SPECC1: variants seen among roughly 807,000 people sequenced by gnomAD.
SPECC1 encodes cytospin-B.
In SPECC1, 62 loss-of-function variants were observed where a neutral mutation model predicts 104.1. The ratio of observed to expected loss-of-function variants is 0.60; its 90% confidence interval spans 0.49 to 0.74. The LOEUF (loss-of-function observed/expected upper bound fraction) is 0.74. SPECC1 is among the 30% of genes least tolerant of loss of function. The pLI, the probability that SPECC1 is intolerant of heterozygous loss-of-function variation, is 0.00. For synonymous variants in SPECC1, 513 were observed against 501.6 expected (o/e 1.02, Z -0.30); for missense variants, 1,306 against 1,310.5 (o/e 1.00, Z 0.05).
At chr17:20,049,762 C>T (rs1037174346) in intron 1 of SPECC1, among the ~76,000 whole-genome samples, 28 of 151,882 alleles carry the variant, frequency 1.8e-4, no homozygotes, top group Admixed American at 2.6e-4. Context: ...GAGGATTCTA[C>T]GGTGTTTTCT....
At chr17:20,099,240 A>G (rs1379967418) in intron 2 of SPECC1, among the ~76,000 whole-genome samples, 4 of 152,166 alleles carry the variant, frequency 2.6e-5, no homozygotes, top group Admixed American at 2.0e-4. Flanking sequence ...CCAACAGCAC[A>G]CTTTAAACTT....
intron 12 of SPECC1, among the ~76,000 whole-genome samples, chr17:20,273,848 C>CT (rs2040489722): frequency 6.6e-6 from 1 of 152,140 alleles, no homozygotes; most frequent in Non-Finnish European, 1.5e-5. Context: ...AATGTTTTGT[C>CT]TTTTTGCTTT....
intron 4 of SPECC1, among the ~76,000 whole-genome samples, chr17:20,207,757 T>C (rs2036879700): frequency 6.6e-6 from 1 of 152,214 alleles, no homozygotes. Context: ...TGTTTGAGCA[T>C]GCATAAAAAC....
chr17:20,174,470 G>A (rs184013008), intron 3 of SPECC1, among the ~76,000 whole-genome samples: 1 of 152,236 alleles, frequency 6.6e-6, no homozygotes, highest in African/African-American at 2.4e-5. Context: ...CAATGAGGGG[G>A]TGAGGGAAGC....
Position 20,009,793 on chromosome 17 carries a change from C to T in SPECC1, c.-22+369C>T, listed in dbSNP as rs2043870639. On this transcript the variant is annotated intron_variant, in intron 1 of 14. Transcript: ENST00000395527. The surrounding 1 kb of genome is among the most constrained non-coding windows in gnomAD (Gnocchi z 5.2). ...TGCGGCCCTGGAGGCGACCCCAGCC[C>T]TCGCCGCAGTGGGACAGGTGCGCGG... 6.6e-6 allele frequency: 1 copy of T among 152,338 alleles called. No homozygotes were observed. The highest frequency in any genetic ancestry group is 2.4e-5 in the African/African-American group (1 of 41,468). The allele number at this position is 152,338 out of a possible 1,614,324, so 9.4% of individuals were successfully genotyped here. A position where few individuals can be genotyped will look rare whatever the true frequency, so the allele number is the denominator to read the frequency against.
chr17:20,141,665 C>T (rs1226407912), intron 3 of SPECC1, among the ~76,000 whole-genome samples: 1 of 152,132 alleles, frequency 6.6e-6, no homozygotes, highest in Non-Finnish European at 1.5e-5. Context: ...TTAAGATATT[C>T]CTGTCACTCC....
chr17:20,183,279 T>C (rs2035034480), intron 3 of SPECC1, among the ~76,000 whole-genome samples: 1 of 152,318 alleles, frequency 6.6e-6, no homozygotes, highest in Middle Eastern at 3.4e-3. Context: ...TGTGAATGAT[T>C]GCAATCTTTT....
chr17:20,072,837 G>A (rs1296641633), intron 1 of SPECC1, among the ~76,000 whole-genome samples: 1 of 152,148 alleles, frequency 6.6e-6, no homozygotes, highest in Non-Finnish European at 1.5e-5. Context: ...GCCCAGGCCC[G>A]CTGATAGAGT....
Position 20,009,643 on chromosome 17 carries a change from C to T in SPECC1, c.-22+219C>T, listed in dbSNP as rs976799534. Among the ~76,000 whole-genome samples, 3 of 152,114 alleles carry T rather than the reference C, an allele frequency of 2.0e-5. No individual in the cohort carries two copies. The highest frequency in any genetic ancestry group is 7.2e-5 in the African/African-American group (3 of 41,448). On this transcript the variant is annotated intron_variant, in intron 1 of 14. Coordinates refer to ENST00000395527, the MANE Select transcript of SPECC1 (RefSeq NM_001243439.2). The surrounding 1 kb of genome is among the most constrained non-coding windows in gnomAD (Gnocchi z 5.2). The stretch of plus-strand genomic sequence containing the variant: ...GCCCAGGAGGGACGTCCTGGCCTGT[C>T]CTGCCCGGCCCGGAGCGGTGGGACC...
At chr17:20,107,144 C>CAAAAAAAAAAAAAAAAAAAAAAAAA (rs531912350) in intron 2 of SPECC1, among the ~76,000 whole-genome samples, 35 of 68,188 alleles carry the variant, frequency 5.1e-4, no homozygotes, top group African/African-American at 1.2e-3. Flanking sequence ...ACTCGTGTCT[C>CAAAAAAAAAAAAAAAAAAAAAAAAA]AAAAAAAAAA....
rs1200419031 is a variant in SPECC1, at chr17:20,170,986, TC to T, written c.284-33346del. 1.4e-4 allele frequency among the ~76,000 whole-genome samples: 22 copies of T among 152,334 alleles called. No homozygotes were observed. The South Asian group carries it at 4.6e-3, about 32-fold the overall frequency. ...CACAAGCAGCCAAATTTTAAAAAAA[TC>T]TTGGAAGGTTACATTATAAGCAGTC... On this transcript the variant is annotated intron_variant, in intron 3 of 14. Transcript: ENST00000395527.
At chr17:20,093,865 G>A (rs1231054142) in intron 1 of SPECC1, among the ~76,000 whole-genome samples, 2 of 151,660 alleles carry the variant, frequency 1.3e-5, no homozygotes, top group Admixed American at 1.3e-4. Context: ...CAAGTAGCTG[G>A]GGCTACAGGT....
chr17:20,046,154 T>A (rs1008319270), intron 1 of SPECC1, among the ~76,000 whole-genome samples: 2 of 152,170 alleles, frequency 1.3e-5, no homozygotes, highest in South Asian at 4.1e-4. Flanking sequence ...CCGTGTTGCC[T>A]AGGCTGAGTC....
At chr17:20,273,270 G>A (rs1834095833) in intron 12 of SPECC1, among the ~76,000 whole-genome samples, 1 of 152,170 alleles carries the variant, frequency 6.6e-6, no homozygotes, top group Non-Finnish European at 1.5e-5. Flanking sequence ...GATTGCTTGA[G>A]GCCAGGAGTT....
chr17:20,274,199 G>T (rs975131363), intron 12 of SPECC1, among the ~76,000 whole-genome samples: 2 of 152,166 alleles, frequency 1.3e-5, no homozygotes, highest in Non-Finnish European at 2.9e-5. Context: ...CATCTCTCTT[G>T]AACTAACTGA....
At chr17:20,164,616 T>C (rs2151146912) in intron 3 of SPECC1, among the ~76,000 whole-genome samples, 1 of 152,350 alleles carries the variant, frequency 6.6e-6, no homozygotes, top group East Asian at 1.9e-4. Flanking sequence ...TTAACATATT[T>C]GGTTTGAGCA....
intron 3 of SPECC1, among the ~76,000 whole-genome samples, chr17:20,114,486 AGCCTGTTTT>A (rs1250813205): frequency 6.7e-6 from 1 of 149,106 alleles, no homozygotes; most frequent in Non-Finnish European, 1.5e-5. Flanking sequence ...CATGGCGCCC[AGCCTGTTTT>A]TTTTTTTGTT....
chr17:20,111,085 G>T (rs993230828), intron 3 of SPECC1, among the ~76,000 whole-genome samples: 3 of 152,028 alleles, frequency 2.0e-5, no homozygotes, highest in African/African-American at 4.8e-5. Context: ...ATCAGAAAAG[G>T]GTTTTTCAAT....
chr17:20,223,350 G>A (rs2038006637), intron 4 of SPECC1, among the ~76,000 whole-genome samples: 1 of 151,944 alleles, frequency 6.6e-6, no homozygotes, highest in Non-Finnish European at 1.5e-5. Context: ...TAAACTTTTA[G>A]CTCCATAATT....
Sources: allele counts gnomAD v4.1 joint callset (sites outside exome capture counted in the v4.1 genomes callset), GRCh38; gene constraint gnomAD v4.1.1; non-coding constraint Gnocchi (gnomAD v3.1); transcripts MANE v1.5; gene names NCBI Gene and HGNC (gene_info 2026-07-23, HGNC 2026-07-21).